Variants in SLC16A10 observed in about 807,000 individuals in gnomAD.
SLC16A10 encodes the protein monocarboxylate transporter 10.
Under a neutral mutation model 40.0 loss-of-function variants are expected in SLC16A10, and 27 were observed. That is an observed-to-expected ratio of 0.67 (90% CI 0.50 to 0.93). The LOEUF is 0.93. Among genes scored for constraint, SLC16A10 ranks in the 40% least tolerant of loss-of-function variants. The pLI is 0.00. For synonymous variants in SLC16A10, 213 were observed against 249.8 expected, an observed-to-expected ratio of 0.85 and a Z score of 1.39; for missense variants, 529 against 658.2, an observed-to-expected ratio of 0.80 and a Z score of 2.15.
At chr6:111,135,317 T>C (rs2096179) in intron 1 of SLC16A10, among the ~76,000 whole-genome samples, 151,971 of 152,246 alleles carry the variant, frequency 1, 75,848 homozygotes, top group Middle Eastern at 1. Context: ...CCCCTTAGAC[T>C]GGAGGCCCAC....
At chr6:111,206,118 G>T (rs62420360) in intron 3 of SLC16A10, among the ~76,000 whole-genome samples, 14,859 of 148,806 alleles carry the variant, frequency 0.1, 871 homozygotes, top group Non-Finnish European at 0.14. Context: ...TTGCTCTGTC[G>T]CCCAGGCTGG....
At chr6:111,189,921 T>G (rs2757571) in intron 3 of SLC16A10, among the ~76,000 whole-genome samples, 76,660 of 151,890 alleles carry the variant, frequency 0.5, 19,950 homozygotes, top group East Asian at 0.68. Flanking sequence ...AAATTTCATG[T>G]CCTCACATTT....
At chr6:111,212,531 G>C (rs996321927) in intron 4 of SLC16A10, among the ~76,000 whole-genome samples, 1 of 152,142 alleles carries the variant, frequency 6.6e-6, no homozygotes, top group African/African-American at 2.4e-5. Context: ...AGTAGCTTAT[G>C]CCTATAATCC....
intron 3 of SLC16A10, among the ~76,000 whole-genome samples, chr6:111,186,296 A>G (rs935108252): frequency 1.3e-5 from 2 of 152,368 alleles, no homozygotes; most frequent in Non-Finnish European, 2.9e-5. Context: ...CATTTCTAAT[A>G]TGGACATTGG....
At chr6:111,149,599 A>G (rs1193650978) in intron 1 of SLC16A10, among the ~76,000 whole-genome samples, 1 of 152,248 alleles carries the variant, frequency 6.6e-6, no homozygotes, top group Admixed American at 6.5e-5. Flanking sequence ...TATAAGGCTT[A>G]TAATAAAGAG....
chr6:111,206,766 A>G (rs773230693), intron 4 of SLC16A10, 31 bp downstream of exon 4: 1 of 1,603,004 alleles, frequency 6.2e-7, no homozygotes, highest in Non-Finnish European at 8.5e-7. Context: ...TCCCCTATCA[A>G]AAATTACTCT....
At chr6:111,107,808 T>A (rs1411842474) in intron 1 of SLC16A10, among the ~76,000 whole-genome samples, 1 of 152,202 alleles carries the variant, frequency 6.6e-6, no homozygotes, top group Non-Finnish European at 1.5e-5. Context: ...GGTATTTTGC[T>A]TGTTGACTTT....
chr6:111,110,789 A>G (rs575475663), intron 1 of SLC16A10, among the ~76,000 whole-genome samples: 124 of 152,290 alleles, frequency 8.1e-4, no homozygotes, highest in Non-Finnish European at 1.5e-3. Context: ...GAACTATACA[A>G]TTGATGTAAG....
chr6:111,219,172 C>T, intron 5 of SLC16A10, 130 bp downstream of exon 5: 1 of 779,776 alleles, frequency 1.3e-6, no homozygotes, highest in Non-Finnish European at 2.0e-6. Context: ...TTTATGTGTG[C>T]CTTACTGGTA....
intron 1 of SLC16A10, among the ~76,000 whole-genome samples, chr6:111,121,973 T>C (rs1771591893): frequency 6.6e-6 from 1 of 152,196 alleles, no homozygotes; most frequent in South Asian, 2.1e-4. Flanking sequence ...TGGCTTTCTG[T>C]ACCCTGGCAC....
At position 111,088,553 on chromosome 6, in the gene SLC16A10, CG is replaced by C. The variant is rs370241874; in HGVS notation, c.343+464del. Among the ~76,000 whole-genome samples, 337 of 152,056 alleles carry C rather than the reference CG, an allele frequency of 2.2e-3. 2 individuals carry two copies. Among genetic ancestry groups the C allele is most frequent in the African/African-American group, 7.9e-3 (328 of 41,474 alleles). On this transcript the variant is annotated intron_variant, in intron 1 of 5. Coordinates refer to ENST00000368851, the MANE Select transcript of SLC16A10 (RefSeq NM_018593.5). ...GAGGGGTGTGCGTATGTTGGCGGGG[CG>C]GGGGGTGGAGTTTGGAGGAATGAAA...
intron 3 of SLC16A10, among the ~76,000 whole-genome samples, chr6:111,191,175 C>G (rs367734): frequency 0.51 from 77,620 of 151,936 alleles, 20,524 homozygotes; most frequent in East Asian, 0.7. Context: ...TGTAGCCCCC[C>G]ACTCCCCTGA....
At chr6:111,197,849 C>G (rs964500502) in intron 3 of SLC16A10, among the ~76,000 whole-genome samples, 2 of 152,142 alleles carry the variant, frequency 1.3e-5, no homozygotes, top group African/African-American at 2.4e-5. Flanking sequence ...CAATAACTCA[C>G]TTATCACCAA....
intron 1 of SLC16A10, among the ~76,000 whole-genome samples, chr6:111,145,180 C>T (rs772022955): frequency 5.3e-5 from 8 of 151,996 alleles, no homozygotes; most frequent in Non-Finnish European, 1.0e-4. Flanking sequence ...GACACTGTGG[C>T]TCTCACCTGT....
chr6:111,115,291 A>G, intron 1 of SLC16A10, among the ~76,000 whole-genome samples: 1 of 152,138 alleles, frequency 6.6e-6, no homozygotes. Context: ...GCTCACTGCA[A>G]CCTCTGCCTC....
chr6:111,087,695 C>T lies in SLC16A10; in HGVS notation c.-58C>T. ...GGAGCCCCGCAGCTCCTCCGGGAGC[C>T]CGCTGGTAACTCGCGTCCCTCGCGC... On this transcript the variant is annotated 5_prime_UTR_variant, in exon 1 of 6. Transcript: ENST00000368851. 9.8e-7 allele frequency: 1 copy of T among 1,018,190 alleles called. No individual in the cohort carries two copies. Among genetic ancestry groups the T allele is most frequent in the Middle Eastern group, 3.8e-4 (1 of 2,666 alleles). 63.1% of individuals were successfully genotyped at this position (1,018,190 alleles called of 1,614,324 possible). A position where few individuals can be genotyped will look rare whatever the true frequency, so the allele number is the denominator to read the frequency against.
chr6:111,132,248 CAA>C (rs952143837), intron 1 of SLC16A10, among the ~76,000 whole-genome samples: 16 of 151,314 alleles, frequency 1.1e-4, no homozygotes, highest in African/African-American at 3.7e-4. Context: ...AAGAGGGAGT[CAA>C]AGAGAAAAAG....
rs1433502991 is a variant in SLC16A10 at position 111,228,838 on chromosome 6, T to G, written c.*6603T>G. On this transcript the variant is annotated 3_prime_UTR_variant, in exon 6 of 6. Coordinates refer to ENST00000368851, the MANE Select transcript of SLC16A10 (RefSeq NM_018593.5). ...TGAGGTCAGATGTTGGAGACCAGCC[T>G]GACCAACATGGAGAAACCCCATCTC... 1 of 152,020 alleles carries G rather than the reference T, an allele frequency of 6.6e-6. No homozygotes were observed. Among genetic ancestry groups the G allele is most frequent in the African/African-American group, 2.4e-5 (1 of 41,368 alleles). 9.4% of individuals were successfully genotyped at this position (152,020 alleles called of 1,614,324 possible).
intron 1 of SLC16A10, among the ~76,000 whole-genome samples, chr6:111,154,926 G>A (rs1272687142): frequency 6.6e-6 from 1 of 151,482 alleles, no homozygotes; most frequent in Admixed American, 6.6e-5. Flanking sequence ...GGGAGGCTGA[G>A]GCAGGAGAAT....
Sources: gnomAD v4.1 joint callset for allele counts (sites outside exome capture counted in the v4.1 genomes callset) on GRCh38, gnomAD v4.1.1 for gene constraint, MANE v1.5 for transcripts, NCBI Gene and HGNC (gene_info 2026-07-23, HGNC 2026-07-21) for gene names.